ZNF618: variants seen among roughly 807,000 people sequenced by gnomAD.
ZNF618 encodes neural precursor cell expressed, developmentally down-regulated 10.
In ZNF618, 34 loss-of-function variants were observed where a neutral mutation model predicts 103.0. The observed-to-expected ratio is 0.33, with a 90% CI of 0.25 to 0.44. ZNF618 has a LOEUF of 0.44. ZNF618 is among the 20% of genes least tolerant of loss of function. The probability of loss-of-function intolerance (pLI) is 1.00; values close to 1 mark genes in which losing one functional copy is unlikely to be tolerated. For synonymous variants in ZNF618, 551 were observed against 542.2 expected (o/e 1.02, Z -0.23); for missense variants, 1,059 against 1,295.4 (o/e 0.82, Z 2.80).
intron 1 of ZNF618, among the ~76,000 whole-genome samples, chr9:113,895,711 G>A (rs970957450): frequency 6.6e-6 from 1 of 152,116 alleles, no homozygotes; most frequent in African/African-American, 2.4e-5. Flanking sequence ...TTGTAAGAGT[G>A]TAGGAAATGA....
chr9:113,939,002 AT>A (rs36050918), intron 1 of ZNF618, among the ~76,000 whole-genome samples: 5 of 149,370 alleles, frequency 3.3e-5, no homozygotes, highest in Admixed American at 1.3e-4. Context: ...ATTCTCTTGG[AT>A]TTTTTTTTTC....
chr9:113,998,350 A>T lies in ZNF618; in HGVS notation c.429A>T (p.Ala143=). 1 of 1,550,440 alleles carries T rather than the reference A, an allele frequency of 6.4e-7. No homozygotes were observed. The highest frequency in any genetic ancestry group is 8.7e-7 in the Non-Finnish European group (1 of 1,146,958). The change falls in exon 4 of 15, where the codon GCA becomes GCT. Residue 143 remains alanine (A), a synonymous_variant. Transcript: ENST00000374126. ...TWIFDQALRY[A]SGSYECGICG... is the part of the protein sequence containing the mutation. Reference sequence around the variant, plus strand: ...TTTTTGACCAAGCATTGAGATATGCATCTGGTACGTGATGGCCAAGGGGTA... The same window carrying T: ...TTTTTGACCAAGCATTGAGATATGCTTCTGGTACGTGATGGCCAAGGGGTA...
chr9:114,035,152 A>G (rs975331452), intron 12 of ZNF618: 2 of 985,332 alleles, frequency 2.0e-6, no homozygotes, highest in African/African-American at 3.5e-5. Context: ...ACAGAACAGC[A>G]GAACTAGAAG....
At chr9:114,018,237 A>G (rs935390375) in intron 10 of ZNF618, among the ~76,000 whole-genome samples, 2 of 152,220 alleles carry the variant, frequency 1.3e-5, no homozygotes, top group Admixed American at 6.5e-5. Flanking sequence ...TCCACTGGGT[A>G]GGCACCGACT....
chr9:113,900,606 AGCTCCCGTCTCCTAGCACCG>A (rs1018654903), intron 1 of ZNF618, among the ~76,000 whole-genome samples: 2 of 147,888 alleles, frequency 1.4e-5, no homozygotes, highest in Non-Finnish European at 3.0e-5. Flanking sequence ...CGCGAACCCG[AGCTCCCGTCTCCTAGCACCG>A]TCCTCTCCCG....
intron 2 of ZNF618, 82 bp downstream of exon 2, chr9:113,969,242 A>G: frequency 6.5e-7 from 1 of 1,550,068 alleles, no homozygotes; most frequent in Non-Finnish European, 8.9e-7. Context: ...TCTGGTCCTC[A>G]TCTTCCCCCT....
chr9:113,970,822 C>G (rs561465904), intron 2 of ZNF618, among the ~76,000 whole-genome samples: 108 of 150,994 alleles, frequency 7.2e-4, no homozygotes, highest in African/African-American at 2.5e-3. Context: ...TTATTTCATT[C>G]CCTTCCCTGT....
chr9:114,030,577 A>G (rs1843929593), intron 11 of ZNF618, among the ~76,000 whole-genome samples: 2 of 152,314 alleles, frequency 1.3e-5, no homozygotes, highest in East Asian at 1.9e-4. Flanking sequence ...GGCTGCCTTC[A>G]TGTGCCTTGG....
chr9:113,906,740 C>CCAT (rs1831025353), intron 1 of ZNF618, among the ~76,000 whole-genome samples: 1 of 152,186 alleles, frequency 6.6e-6, no homozygotes. Flanking sequence ...ATACAACAAA[C>CCAT]CATCCATTAT....
chr9:113,964,817 T>C (rs193150625), intron 1 of ZNF618, among the ~76,000 whole-genome samples: 19 of 144,326 alleles, frequency 1.3e-4, no homozygotes, highest in Middle Eastern at 7.1e-3. Flanking sequence ...ACCAGTGCAC[T>C]AAATGTGACC....
intron 10 of ZNF618, among the ~76,000 whole-genome samples, chr9:114,017,850 C>T (rs1842774635): frequency 6.6e-6 from 1 of 152,134 alleles, no homozygotes. Context: ...GAGAAGTATT[C>T]AGAGCCTGGA....
intron 10 of ZNF618, among the ~76,000 whole-genome samples, chr9:114,027,665 C>T (rs567083939): frequency 6.6e-6 from 1 of 152,332 alleles, no homozygotes; most frequent in East Asian, 1.9e-4. Flanking sequence ...GCTCTGCATA[C>T]AGTGCCCAGG....
chr9:113,894,444 G>A (rs1829869112), intron 1 of ZNF618, among the ~76,000 whole-genome samples: 1 of 152,156 alleles, frequency 6.6e-6, no homozygotes, highest in African/African-American at 2.4e-5. Context: ...TGTCAAGGGT[G>A]GTGGAGGGAA....
chr9:114,003,065 A>G (rs1488976228), intron 6 of ZNF618, among the ~76,000 whole-genome samples: 1 of 152,192 alleles, frequency 6.6e-6, no homozygotes, highest in East Asian at 1.9e-4. Flanking sequence ...ACTCTGACTC[A>G]TGACTCTGGG....
At chr9:114,037,589 T>C (rs1359319748) in intron 13 of ZNF618, among the ~76,000 whole-genome samples, 1 of 152,202 alleles carries the variant, frequency 6.6e-6, no homozygotes, top group African/African-American at 2.4e-5. Flanking sequence ...CCTGACATAA[T>C]GGTGCTCAGT....
chr9:113,959,592 C>T (rs1042518353), intron 1 of ZNF618, among the ~76,000 whole-genome samples: 1 of 152,096 alleles, frequency 6.6e-6, no homozygotes, highest in African/African-American at 2.4e-5. Context: ...GGATTTCCCC[C>T]TTTTCCTTTA....
At chr9:113,937,516 G>T (rs946046741) in intron 1 of ZNF618, among the ~76,000 whole-genome samples, 1 of 152,224 alleles carries the variant, frequency 6.6e-6, no homozygotes, top group South Asian at 2.1e-4. Flanking sequence ...GAGTGAAATT[G>T]TTTTCCTGTC....
At chr9:113,999,755 C>T (rs567593561) in intron 4 of ZNF618, among the ~76,000 whole-genome samples, 6 of 152,354 alleles carry the variant, frequency 3.9e-5, no homozygotes, top group Non-Finnish European at 5.9e-5. Context: ...CATCATCGTG[C>T]GTTGTCCCTG....
chr9:114,036,629 A>C (rs1844640578), intron 13 of ZNF618, among the ~76,000 whole-genome samples: 1 of 152,230 alleles, frequency 6.6e-6, no homozygotes, highest in South Asian at 2.1e-4. Flanking sequence ...ACAGAGTTGA[A>C]GAGACTTCCT....
Sources: allele counts gnomAD v4.1 joint callset (sites outside exome capture counted in the v4.1 genomes callset), GRCh38; gene constraint gnomAD v4.1.1; transcripts MANE v1.5; gene names NCBI Gene and HGNC (gene_info 2026-07-23, HGNC 2026-07-21).